PDE3B: variants seen among roughly 807,000 people sequenced by gnomAD.
The protein encoded by PDE3B is cGMP-inhibited 3',5'-cyclic phosphodiesterase 3B.
PDE3B carries 66 observed loss-of-function variants against 116.8 expected under a neutral mutation model. That is an observed-to-expected ratio of 0.56 (90% CI 0.46 to 0.69). The LOEUF (loss-of-function observed/expected upper bound fraction) is 0.69. Ranked by LOEUF, PDE3B falls within the 30% of genes least tolerant of loss-of-function variation. The pLI, the probability that PDE3B is intolerant of heterozygous loss-of-function variation, is 0.00. For synonymous variants in PDE3B, 595 were observed against 533.6 expected (o/e 1.12, Z -1.59); for missense variants, 1,384 against 1,368.1 (o/e 1.01, Z -0.18).
chr11:14,832,320 G>T (rs566199770), intron 9 of PDE3B, among the ~76,000 whole-genome samples: 2 of 152,272 alleles, frequency 1.3e-5, no homozygotes, highest in Admixed American at 6.5e-5. Context: ...GATAAATTTT[G>T]TGAAATATAT....
intron 1 of PDE3B, among the ~76,000 whole-genome samples, chr11:14,669,169 A>G (rs1306214321): frequency 6.6e-6 from 1 of 152,198 alleles, no homozygotes; most frequent in Non-Finnish European, 1.5e-5. Context: ...GAGTAGCTGT[A>G]TAGAGATTCA....
chr11:14,771,524 T>C (rs921463109), intron 1 of PDE3B, among the ~76,000 whole-genome samples: 2 of 151,784 alleles, frequency 1.3e-5, no homozygotes, highest in African/African-American at 2.4e-5. Context: ...CTTTTCAAAA[T>C]GTTTTTGACA....
At chr11:14,891,878 C>G in the PDE3B span, 1 of 1,453,208 alleles carries the variant, frequency 6.9e-7, no homozygotes, top group South Asian at 1.3e-5. Flanking sequence ...GGAGAGGTCC[C>G]GACTAGTCGG....
intron 1 of PDE3B, among the ~76,000 whole-genome samples, chr11:14,761,133 C>T (rs1219287865): frequency 6.6e-6 from 1 of 151,766 alleles, no homozygotes; most frequent in South Asian, 2.1e-4. Flanking sequence ...AAACGAGCAG[C>T]GCTATTAATA....
intron 1 of PDE3B, among the ~76,000 whole-genome samples, chr11:14,658,817 G>C (rs1369267332): frequency 6.6e-6 from 1 of 152,032 alleles, no homozygotes; most frequent in Non-Finnish European, 1.5e-5. Context: ...TATCATATTT[G>C]GGTTGATAGG....
At chr11:14,711,967 A>G (rs1261426416) in intron 1 of PDE3B, among the ~76,000 whole-genome samples, 1 of 152,230 alleles carries the variant, frequency 6.6e-6, no homozygotes, top group Non-Finnish European at 1.5e-5. Context: ...CTAAAGTAGT[A>G]CAAATAATTT....
intron 1 of PDE3B, among the ~76,000 whole-genome samples, chr11:14,668,506 A>G (rs891531033): frequency 4.6e-5 from 7 of 152,142 alleles, no homozygotes; most frequent in Non-Finnish European, 8.8e-5. Context: ...AAGTACAAAT[A>G]TATTTGTCAT....
chr11:14,856,505 G>T (rs1555006202), intron 12 of PDE3B, among the ~76,000 whole-genome samples: 1 of 151,868 alleles, frequency 6.6e-6, no homozygotes, highest in Admixed American at 6.6e-5. Flanking sequence ...TTTTTTTTGA[G>T]TTGGGAATAT....
intron 7 of PDE3B, among the ~76,000 whole-genome samples, 186 bp from the exon 8 acceptor site, chr11:14,830,512 C>G (rs558866417): frequency 5.4e-4 from 82 of 151,962 alleles, no homozygotes; most frequent in African/African-American, 1.9e-3. Flanking sequence ...TCTTTGTTGC[C>G]TGAGCATAAG....
Position 14,766,042 on chromosome 11 carries a change from G to T in PDE3B, c.979-5895G>T, listed in dbSNP as rs148590254. On this transcript the variant is annotated intron_variant, in intron 1 of 15. Coordinates refer to ENST00000282096, the MANE Select transcript of PDE3B (RefSeq NM_000922.4). ...TTAAAAGTTTTAATATACATGTACCGCCAACTATGCATTCCGTATGCGTGG... is the reference window on the plus strand; with the variant it reads ...TTAAAAGTTTTAATATACATGTACCTCCAACTATGCATTCCGTATGCGTGG... 1.8e-3 allele frequency among the ~76,000 whole-genome samples: 280 copies of T among 151,490 alleles called. 1 individual carries two copies. The highest frequency in any genetic ancestry group is 6.4e-3 in the African/African-American group (264 of 41,428).
intron 11 of PDE3B, among the ~76,000 whole-genome samples, chr11:14,838,858 G>A (rs1266339371): frequency 6.6e-6 from 1 of 152,146 alleles, no homozygotes; most frequent in Non-Finnish European, 1.5e-5. Context: ...CTAACAGTTT[G>A]CCTCATGAGT....
intron 5 of PDE3B, among the ~76,000 whole-genome samples, chr11:14,807,472 G>A (rs1012255406): frequency 3.3e-5 from 5 of 151,858 alleles, no homozygotes; most frequent in African/African-American, 1.2e-4. Context: ...TATTCAGGGG[G>A]CCAATTAAAA....
chr11:14,727,178 C>G (rs1856332758), intron 1 of PDE3B, among the ~76,000 whole-genome samples: 1 of 152,076 alleles, frequency 6.6e-6, no homozygotes, highest in African/African-American at 2.4e-5. Context: ...AAGCCTTTGC[C>G]TTTCTTGCTG....
At chr11:14,650,724 G>A (rs981981408) in intron 1 of PDE3B, among the ~76,000 whole-genome samples, 8 of 152,026 alleles carry the variant, frequency 5.3e-5, no homozygotes, top group Admixed American at 2.6e-4. Flanking sequence ...CCCGGGAGGC[G>A]GAGCTTGCAG....
In PDE3B at chr11:14,804,066, T is replaced by A; in HGVS notation, c.1522+16T>A. ...AGAAGAGCTGGTAAGAAATCATTCT[T>A]TATGACTCAAATATGGGGGTTCTCA... On this transcript the variant is annotated intron_variant, in intron 5 of 15. Transcript: ENST00000282096. The A allele has an allele frequency of 7.2e-7, 1 of 1,383,000 alleles. No individual in the cohort carries two copies. The highest frequency in any genetic ancestry group is 1.0e-6 in the Non-Finnish European group (1 of 970,428). The allele number at this position is 1,383,000 out of a possible 1,614,324, so 85.7% of individuals were successfully genotyped here. A position where few individuals can be genotyped will look rare whatever the true frequency, so the allele number is the denominator to read the frequency against.
intron 5 of PDE3B, among the ~76,000 whole-genome samples, chr11:14,806,931 TA>T (rs1483118928): frequency 1.5e-4 from 21 of 140,574 alleles, no homozygotes; most frequent in Non-Finnish European, 2.6e-4. Context: ...TATGCAGCCA[TA>T]AAAAAGGATG....
Position 14,831,849 on chromosome 11 carries a change from A to G in PDE3B, c.2094+72A>G. 3 of 1,080,970 alleles carry G rather than the reference A, an allele frequency of 2.8e-6. No individual in the cohort carries two copies. In the South Asian group the frequency reaches 4.3e-5, roughly 15 times the overall value. 67.0% of individuals were successfully genotyped at this position (1,080,970 alleles called of 1,614,324 possible). A position where few individuals can be genotyped will look rare whatever the true frequency, so the allele number is the denominator to read the frequency against. On this transcript the variant is annotated intron_variant, in intron 9 of 15. Transcript: ENST00000282096. ...AAATCTTTATAAAAAGCAAAATCTAATATGTAATGGTTTAAGCACTAGTTC... is the reference window on the plus strand; with the variant it reads ...AAATCTTTATAAAAAGCAAAATCTAGTATGTAATGGTTTAAGCACTAGTTC...
intron 1 of PDE3B, among the ~76,000 whole-genome samples, chr11:14,664,840 A>G (rs1212688866): frequency 5.3e-5 from 8 of 152,210 alleles, no homozygotes; most frequent in South Asian, 2.1e-4. Flanking sequence ...CCAGAGGTAC[A>G]AGGAGGAGCT....
the PDE3B span, among the ~76,000 whole-genome samples, chr11:14,882,016 T>C: frequency 6.6e-6 from 1 of 152,152 alleles, no homozygotes; most frequent in Non-Finnish European, 1.5e-5. Flanking sequence ...TTTTTGAATG[T>C]AGAACTTATT....
Sources: allele counts gnomAD v4.1 joint callset (sites outside exome capture counted in the v4.1 genomes callset), GRCh38; gene constraint gnomAD v4.1.1; transcripts MANE v1.5; gene names NCBI Gene and HGNC (gene_info 2026-07-23, HGNC 2026-07-21).